The following FABP12 variants were observed in gnomAD, a reference collection of about 807,000 sequenced individuals.
FABP12 encodes fatty acid binding protein 12.
Under a neutral mutation model 13.7 loss-of-function variants are expected in FABP12, and 19 were observed. The observed-to-expected ratio is 1.39, with a 90% CI of 0.97 to 2.04. FABP12 has a LOEUF of 2.04. Ranked by LOEUF, FABP12 falls within the 30% of genes most tolerant of loss-of-function variation. The pLI is 0.00. For missense variants in FABP12, 182 were observed against 164.2 expected (o/e 1.11, Z -0.59); for synonymous variants, 61 against 57.0 (o/e 1.07, Z -0.32).
At chr8:81,537,410 C>A (rs372622165), upstream of FABP12, among the ~76,000 whole-genome samples, 4 of 148,764 alleles carry the variant, frequency 2.7e-5, no homozygotes, top group Non-Finnish European at 1.5e-5. Context: ...AATTCTTCTA[C>A]TTTTTTTTTT....
At chr8:81,565,389 C>A (rs77258902) in intron 1 of FABP12, among the ~76,000 whole-genome samples, 1 of 152,024 alleles carries the variant, frequency 6.6e-6, no homozygotes, top group African/African-American at 2.4e-5. Context: ...AATATACATT[C>A]TTCCCCAGCA....
rs755810697 is a variant in FABP12, at chr8:81,573,234, G to A, written c.-185+16819C>T. Among the ~76,000 whole-genome samples, 3 of 152,196 alleles carry A rather than the reference G, an allele frequency of 2.0e-5. No homozygotes were observed. In the East Asian group the frequency reaches 5.8e-4, roughly 29 times the overall value. On this transcript the variant is annotated intron_variant, in intron 1 of 5. Transcript: ENST00000692030. Reference sequence around the variant, plus strand: ...CTTTTCCCACTTTATGCTTTTGTTTGCTTTGTCAAAGATCAGTTGGCTCTA... The same window carrying A: ...CTTTTCCCACTTTATGCTTTTGTTTACTTTGTCAAAGATCAGTTGGCTCTA...
exon 2 of FABP12, among the ~76,000 whole-genome samples, chr8:81,539,694 C>T (rs2129982827): frequency 6.6e-6 from 1 of 152,278 alleles, no homozygotes; most frequent in East Asian, 1.9e-4. Flanking sequence ...GTGCTGTCTG[C>T]TTCTGAGCAA....
intron 1 of FABP12, among the ~76,000 whole-genome samples, chr8:81,571,585 C>A (rs902950822): frequency 6.6e-6 from 1 of 152,212 alleles, no homozygotes; most frequent in Non-Finnish European, 1.5e-5. Context: ...AAGGATTATT[C>A]CCTTTTTATA....
intron 1 of FABP12, among the ~76,000 whole-genome samples, chr8:81,586,780 C>T (rs1810245456): frequency 6.6e-6 from 1 of 151,988 alleles, no homozygotes; most frequent in South Asian, 2.1e-4. Flanking sequence ...TTTTGATGTA[C>T]CGATGCTTTT....
At chr8:81,553,669 G>T (rs1036107832) in intron 1 of FABP12, among the ~76,000 whole-genome samples, 1 of 152,254 alleles carries the variant, frequency 6.6e-6, no homozygotes, top group South Asian at 2.1e-4. Context: ...CGCAGTTCAG[G>T]CTTATCCCAC....
chr8:81,569,178 T>C (rs1809880723), intron 1 of FABP12, among the ~76,000 whole-genome samples: 1 of 152,210 alleles, frequency 6.6e-6, no homozygotes, highest in African/African-American at 2.4e-5. Flanking sequence ...CCTGATGTAA[T>C]AATTATACAT....
At chr8:81,548,413 T>C (rs1809470745) in intron 1 of FABP12, among the ~76,000 whole-genome samples, 1 of 151,990 alleles carries the variant, frequency 6.6e-6, no homozygotes, top group Non-Finnish European at 1.5e-5. Flanking sequence ...TGAAATCGTG[T>C]GAGATGTATT....
At chr8:81,563,931 A>T (rs188491815) in intron 1 of FABP12, among the ~76,000 whole-genome samples, 10 of 152,312 alleles carry the variant, frequency 6.6e-5, no homozygotes, top group African/African-American at 2.4e-4. Context: ...ATATTTAAGT[A>T]CAAGAAGGTT....
At chr8:81,527,508 A>G (rs927519482) in intron 3 of FABP12, among the ~76,000 whole-genome samples, 2 of 152,094 alleles carry the variant, frequency 1.3e-5, no homozygotes, top group Non-Finnish European at 2.9e-5. Flanking sequence ...GATTACAGGC[A>G]CATACCACCA....
chr8:81,558,576 C>T (rs990043474), intron 1 of FABP12, among the ~76,000 whole-genome samples: 3 of 152,076 alleles, frequency 2.0e-5, no homozygotes, highest in African/African-American at 7.2e-5. Context: ...AGCCGAGATA[C>T]TCTTGGCATT....
chr8:81,558,744 T>C (rs1020339881), intron 1 of FABP12, among the ~76,000 whole-genome samples: 5 of 151,328 alleles, frequency 3.3e-5, no homozygotes, highest in African/African-American at 1.2e-4. Flanking sequence ...ACAAAAATTA[T>C]CCGGGCATGG....
At chr8:81,567,236 T>C (rs1348170314) in intron 1 of FABP12, among the ~76,000 whole-genome samples, 1 of 152,130 alleles carries the variant, frequency 6.6e-6, no homozygotes, top group African/African-American at 2.4e-5. Context: ...CTAAAAGTAA[T>C]CAAAGCATTG....
chr8:81,567,657 C>A (rs1235527719), intron 1 of FABP12, among the ~76,000 whole-genome samples: 1 of 152,054 alleles, frequency 6.6e-6, no homozygotes, highest in Non-Finnish European at 1.5e-5. Flanking sequence ...AAATTCAAAT[C>A]AAAATGGATT....
chr8:81,556,357 T>A (rs1809615728), intron 1 of FABP12, among the ~76,000 whole-genome samples: 1 of 152,160 alleles, frequency 6.6e-6, no homozygotes, highest in Non-Finnish European at 1.5e-5. Context: ...AATACCTTCA[T>A]TGACTGGAAC....
chr8:81,533,220 TG>T (rs1809126854), intron 1 of FABP12: 2 of 152,278 alleles, frequency 1.3e-5, no homozygotes, highest in Admixed American at 1.3e-4. Flanking sequence ...TCCGTTCATG[TG>T]TCAGTCACAT....
At chr8:81,587,067 T>C (rs1810250995) in intron 1 of FABP12, among the ~76,000 whole-genome samples, 1 of 152,184 alleles carries the variant, frequency 6.6e-6, no homozygotes, top group African/African-American at 2.4e-5. Context: ...CCCCACTGCT[T>C]GTTATTGTTG....
chr8:81,549,222 CACACAT>C (rs887022794), intron 1 of FABP12, among the ~76,000 whole-genome samples: 3 of 72,784 alleles, frequency 4.1e-5, no homozygotes, highest in Admixed American at 1.9e-4. Context: ...TCTACACAGA[CACACAT>C]ACACACACAC....
intron 1 of FABP12, among the ~76,000 whole-genome samples, chr8:81,559,642 T>C (rs1256081977): frequency 6.6e-6 from 1 of 152,210 alleles, no homozygotes; most frequent in Admixed American, 6.5e-5. Context: ...TTCTGAGACC[T>C]CAAAGGATGA....
Sources: gnomAD v4.1 joint callset for allele counts (sites outside exome capture counted in the v4.1 genomes callset) on GRCh38, gnomAD v4.1.1 for gene constraint, MANE v1.5 for transcripts, NCBI Gene and HGNC (gene_info 2026-07-23, HGNC 2026-07-21) for gene names.